Variants in FAM240B observed in about 807,000 individuals in gnomAD.
The protein encoded by FAM240B is protein FAM240B.
At chr9:38,717,770 C>G (rs950815147) in intron 1 of FAM240B, among the ~76,000 whole-genome samples, 1 of 152,184 alleles carries the variant, frequency 6.6e-6, no homozygotes, top group South Asian at 2.1e-4. Flanking sequence ...GCGTGAGCCA[C>G]TGCTCCCGGC....
intron 1 of FAM240B, among the ~76,000 whole-genome samples, chr9:38,707,495 G>T (rs192882982): frequency 6.6e-6 from 1 of 151,882 alleles, no homozygotes; most frequent in African/African-American, 2.4e-5. Flanking sequence ...TGGGCCAGAC[G>T]TGGTGGCTCA....
At chr9:38,697,321 T>G (rs1821080127) in intron 2 of FAM240B, among the ~76,000 whole-genome samples, 1 of 152,198 alleles carries the variant, frequency 6.6e-6, no homozygotes, top group African/African-American at 2.4e-5. Flanking sequence ...GCCGTGGTAT[T>G]AATGCAGGCC....
At chr9:38,716,414 G>A (rs1325737957) in intron 1 of FAM240B, among the ~76,000 whole-genome samples, 1 of 152,212 alleles carries the variant, frequency 6.6e-6, no homozygotes, top group Non-Finnish European at 1.5e-5. Flanking sequence ...GGAGCTTGCA[G>A]TGGGCTGAAA....
intron 1 of FAM240B, among the ~76,000 whole-genome samples, chr9:38,719,797 C>T: frequency 6.6e-6 from 1 of 152,160 alleles, no homozygotes; most frequent in Non-Finnish European, 1.5e-5. Flanking sequence ...GAAATTTCTG[C>T]ATCATTGACA....
At chr9:38,716,085 C>A (rs1821300405) in intron 1 of FAM240B, among the ~76,000 whole-genome samples, 2 of 152,108 alleles carry the variant, frequency 1.3e-5, no homozygotes. Context: ...GGACCAGGAG[C>A]CGAGGCAGGT....
At chr9:38,713,758 T>A (rs144628190) in intron 1 of FAM240B, among the ~76,000 whole-genome samples, 504 of 152,232 alleles carry the variant, frequency 3.3e-3, no homozygotes, top group Admixed American at 4.9e-3. Flanking sequence ...AGATATAGAT[T>A]GACAAGGCAA....
rs536498007 is a variant in FAM240B, at chr9:38,701,259, T to C, written c.143+2598A>G. ...GGAATAGGGACTCAGGGGTCTATGA[T>C]ATTCATTGGTCTGCAAGTACACGTT... On this transcript the variant is annotated intron_variant, in intron 2 of 2. Transcript: ENST00000637493. Among the ~76,000 whole-genome samples, 4 of 152,280 alleles carry C rather than the reference T, an allele frequency of 2.6e-5. No homozygotes were observed. In the South Asian group the frequency reaches 8.3e-4, roughly 32 times the overall value.
At chr9:38,712,525 T>C (rs554234744) in intron 1 of FAM240B, among the ~76,000 whole-genome samples, 1 of 152,322 alleles carries the variant, frequency 6.6e-6, no homozygotes, top group African/African-American at 2.4e-5. Flanking sequence ...TTACTATTCC[T>C]GTATTCGTGA....
intron 1 of FAM240B, among the ~76,000 whole-genome samples, chr9:38,711,607 TTCTTTCTCTCTCCC>T (rs761188238): frequency 0.014 from 2,132 of 151,964 alleles, 51 homozygotes; most frequent in African/African-American, 0.046. Context: ...CATTTTCTTT[TTCTTTCTCTCTCCC>T]TCTTTCTCTC....
At chr9:38,708,662 C>T (rs1821218334) in intron 1 of FAM240B, among the ~76,000 whole-genome samples, 1 of 152,174 alleles carries the variant, frequency 6.6e-6, no homozygotes, top group Non-Finnish European at 1.5e-5. Flanking sequence ...GTGCCCCCAA[C>T]ACAGCCCACC....
At chr9:38,700,609 T>G (rs1174246024) in intron 2 of FAM240B, among the ~76,000 whole-genome samples, 2 of 152,218 alleles carry the variant, frequency 1.3e-5, no homozygotes, top group African/African-American at 2.4e-5. Flanking sequence ...CCATCCAAAC[T>G]GCCCCAGGCA....
intron 2 of FAM240B, among the ~76,000 whole-genome samples, chr9:38,702,079 A>G (rs1253450747): frequency 6.6e-6 from 1 of 152,236 alleles, no homozygotes; most frequent in Non-Finnish European, 1.5e-5. Context: ...GGGAAGATAC[A>G]GCACAGGGCT....
At position 38,711,397 on chromosome 9, in the gene FAM240B, T is replaced by A. The variant is rs574338163; in HGVS notation, c.-3-7395A>T. Among the ~76,000 whole-genome samples the A allele has an allele frequency of 8.5e-5, 13 of 152,090 alleles. No individual in the cohort carries two copies. The East Asian group carries it at 2.5e-3, about 29-fold the overall frequency. On this transcript the variant is annotated intron_variant, in intron 1 of 2. Transcript: ENST00000637493. ...TACCTTTAGGTCCAAAGTTTCTAGG[T>A]CTGGGAGCTAAGATGGCTCCACCTG...
chr9:38,695,179 C>G (rs1470311884), intron 2 of FAM240B, among the ~76,000 whole-genome samples: 1 of 152,202 alleles, frequency 6.6e-6, no homozygotes, highest in Non-Finnish European at 1.5e-5. Flanking sequence ...TATTCCTATA[C>G]ATTCTGCACA....
chr9:38,704,104 C>CTT, intron 1 of FAM240B, 102 bp from the exon 2 acceptor site: 20 of 346,704 alleles, frequency 5.8e-5, no homozygotes, highest in East Asian at 8.3e-5. Flanking sequence ...GCCATTTACA[C>CTT]TTGTTTTTTT....
intron 1 of FAM240B, among the ~76,000 whole-genome samples, chr9:38,709,022 T>C (rs1821223111): frequency 6.6e-6 from 1 of 152,146 alleles, no homozygotes; most frequent in Non-Finnish European, 1.5e-5. Flanking sequence ...TCACTTAGGA[T>C]GTTATATTTG....
intron 1 of FAM240B, among the ~76,000 whole-genome samples, chr9:38,713,481 CAAAAAAAA>C (rs77404875): frequency 6.1e-4 from 51 of 83,600 alleles, no homozygotes; most frequent in African/African-American, 2.0e-3. Context: ...CCGTTTCAAA[CAAAAAAAA>C]AAAAAAAAAA....
At chr9:38,696,987 T>C (rs1821077187) in intron 2 of FAM240B, among the ~76,000 whole-genome samples, 1 of 152,206 alleles carries the variant, frequency 6.6e-6, no homozygotes, top group Non-Finnish European at 1.5e-5. Flanking sequence ...CACAAGCTTT[T>C]TTTGTTACAC....
chr9:38,700,067 A>G (rs1176436363), intron 2 of FAM240B, among the ~76,000 whole-genome samples: 1 of 152,242 alleles, frequency 6.6e-6, no homozygotes, highest in African/African-American at 2.4e-5. Flanking sequence ...GGCAGAGCTC[A>G]GTGTGTTCAC....
Sources: gnomAD v4.1 joint callset for allele counts (sites outside exome capture counted in the v4.1 genomes callset) on GRCh38, gnomAD v4.1.1 for gene constraint, MANE v1.5 for transcripts, NCBI Gene and HGNC (gene_info 2026-07-23, HGNC 2026-07-21) for gene names.